PHACTR2: variants seen among roughly 807,000 people sequenced by gnomAD.
The protein encoded by PHACTR2 is chromosome 6 open reading frame 56.
PHACTR2 carries 30 observed loss-of-function variants against 76.0 expected under a neutral mutation model. That is an observed-to-expected ratio of 0.39 (90% CI 0.30 to 0.54). The LOEUF is 0.54. Ranked by LOEUF, PHACTR2 falls within the 20% of genes least tolerant of loss-of-function variation. PHACTR2 has a pLI of 0.61. For synonymous variants in PHACTR2, 292 were observed against 292.5 expected (o/e 1.00, Z 0.02); for missense variants, 696 against 781.1 (o/e 0.89, Z 1.30).
At chr6:143,566,958 T>A (rs13197332) in intron 1 of PHACTR2, among the ~76,000 whole-genome samples, 91,664 of 151,816 alleles carry the variant, frequency 0.6, 28,047 homozygotes, top group Middle Eastern at 0.72. Flanking sequence ...CAGGATCCGA[T>A]TAAGTTTGAC....
In PHACTR2 at chr6:143,722,415, A is replaced by T. The variant is rs934800543; in HGVS notation, c.214+10232A>T. 6.6e-6 allele frequency among the ~76,000 whole-genome samples: 1 copy of T among 150,734 alleles called. No homozygotes were observed. Among genetic ancestry groups the T allele is most frequent in the Non-Finnish European group, 1.5e-5 (1 of 67,676 alleles). ...CTTCTCTCTTGAATTCAACTTTAAGATTCTCTTCAATAGGCCAATTTGGTG... is the reference window on the plus strand; with the variant it reads ...CTTCTCTCTTGAATTCAACTTTAAGTTTCTCTTCAATAGGCCAATTTGGTG... On this transcript the variant is annotated intron_variant, in intron 2 of 12. Transcript: ENST00000440869. The surrounding 1 kb of genome is among the most constrained non-coding windows in gnomAD (Gnocchi z 4.1).
chr6:143,550,332 G>A lies in PHACTR2; in HGVS notation c.217+13125G>A, dbSNP rs1775079459. Among the ~76,000 whole-genome samples the A allele has an allele frequency of 6.6e-6, 1 of 152,004 alleles. No homozygotes were observed. Among genetic ancestry groups the A allele is most frequent in the Non-Finnish European group, 1.5e-5 (1 of 67,962 alleles). ...ACTTCAAGGGAAGCAAGTCTGTATG[G>A]AGAGCTTTTAATGGGCCTGTCAACT... On this transcript the variant is annotated intron_variant, in intron 1 of 11. Coordinates refer to the PHACTR2 transcript ENST00000367584. The surrounding 1 kb of genome is among the most constrained non-coding windows in gnomAD (Gnocchi z 4.8).
chr6:143,640,541 A>C (rs1776546947), intron 1 of PHACTR2, among the ~76,000 whole-genome samples: 1 of 152,244 alleles, frequency 6.6e-6, no homozygotes. Flanking sequence ...AGCAGACCTC[A>C]CAGAACCAGT....
intron 6 of PHACTR2, among the ~76,000 whole-genome samples, chr6:143,766,726 T>G (rs1779570811): frequency 6.6e-6 from 1 of 152,222 alleles, no homozygotes; most frequent in East Asian, 1.9e-4. Flanking sequence ...GCTGGAAACC[T>G]GGGGTTCATC....
At chr6:143,711,076 T>C (rs754317435) in intron 1 of PHACTR2, 2 of 516,826 alleles carry the variant, frequency 3.9e-6, no homozygotes, top group South Asian at 1.4e-5. Context: ...AAATTGTAAA[T>C]ACCATTTGAT....
chr6:143,572,687 G>A (rs902956634), intron 1 of PHACTR2, among the ~76,000 whole-genome samples: 1 of 152,108 alleles, frequency 6.6e-6, no homozygotes, highest in Non-Finnish European at 1.5e-5. Context: ...TAAGTAGCTG[G>A]GATTACAGGC....
Position 143,550,308 on chromosome 6 carries a change from C to G in PHACTR2, c.217+13101C>G, listed in dbSNP as rs1250901211. Among the ~76,000 whole-genome samples the G allele has an allele frequency of 2.0e-5, 3 of 152,002 alleles. No individual in the cohort carries two copies. Among genetic ancestry groups the G allele is most frequent in the Non-Finnish European group, 4.4e-5 (3 of 67,950 alleles). The stretch of plus-strand genomic sequence containing the variant: ...TGACGCTGCTGGTCCTCGGACCACA[C>G]TTCAAGGGAAGCAAGTCTGTATGGA... On this transcript the variant is annotated intron_variant, in intron 1 of 11. Transcript: ENST00000367584. This position sits in a 1 kb window ranked among gnomAD's most constrained non-coding sequence, Gnocchi z 4.8.
rs926850807 is a variant in PHACTR2 at position 143,698,211 on chromosome 6, C to A, written c.47-13805C>A. ...CTTTCTGTGTGTGTTTTATCCAAAT[C>A]CTGCTGGAGCAACTCATTCTCTGGA... is the stretch of plus-strand genomic sequence containing the variant. On this transcript the variant is annotated intron_variant, in intron 1 of 12. Transcript: ENST00000440869. The surrounding 1 kb of genome is among the most constrained non-coding windows in gnomAD (Gnocchi z 4.3). 1.3e-5 allele frequency among the ~76,000 whole-genome samples: 2 copies of A among 152,172 alleles called. No individual in the cohort carries two copies. Among genetic ancestry groups the A allele is most frequent in the Non-Finnish European group, 2.9e-5 (2 of 68,024 alleles).
In PHACTR2 at chr6:143,791,439, A is replaced by T. The variant is rs1338977113; in HGVS notation, c.1845+2529A>T. ...CACCTATAGATCTTTAAGAATGTGG[A>T]TGTCTGGGTCCCATCTCCAGAGATG... is the stretch of plus-strand genomic sequence containing the variant. On this transcript the variant is annotated intron_variant, in intron 11 of 12. Coordinates refer to ENST00000440869, the MANE Select transcript of PHACTR2 (RefSeq NM_001100164.2). This position sits in a 1 kb window ranked among gnomAD's most constrained non-coding sequence, Gnocchi z 4.7. 1.3e-5 allele frequency among the ~76,000 whole-genome samples: 2 copies of T among 152,190 alleles called. No homozygotes were observed. Among genetic ancestry groups the T allele is most frequent in the Non-Finnish European group, 2.9e-5 (2 of 68,034 alleles).
At chr6:143,758,344 G>C (rs1379822632) in intron 4 of PHACTR2, among the ~76,000 whole-genome samples, 1 of 152,164 alleles carries the variant, frequency 6.6e-6, no homozygotes, top group East Asian at 1.9e-4. Context: ...TTTCACTATG[G>C]ATGACACTAT....
chr6:143,670,635 C>T (rs1048239774), intron 1 of PHACTR2, among the ~76,000 whole-genome samples: 3 of 151,954 alleles, frequency 2.0e-5, no homozygotes, highest in East Asian at 1.9e-4. Context: ...CTGATCAATT[C>T]GACTATTGAT....
At position 143,678,027 on chromosome 6, in the gene PHACTR2, TAGA is replaced by T; in HGVS notation, c.-134_-132del. On this transcript the variant is annotated 5_prime_UTR_variant, in exon 1 of 13. Transcript: ENST00000440869. This position sits in a 1 kb window ranked among gnomAD's most constrained non-coding sequence, Gnocchi z 6.2. The stretch of plus-strand genomic sequence containing the variant: ...GCCGGGCTGGGAGACCCGCGCGGGG[TAGA>T]AGGTGAGGGGACCCGGCGGGCCGCT... 6.8e-7 allele frequency: 1 copy of T among 1,471,186 alleles called. No individual in the cohort carries two copies. Among genetic ancestry groups the T allele is most frequent in the Non-Finnish European group, 9.1e-7 (1 of 1,104,132 alleles). 91.1% of individuals were successfully genotyped at this position (1,471,186 alleles called of 1,614,324 possible).
At chr6:143,723,300 A>T (rs1049175175) in intron 2 of PHACTR2, among the ~76,000 whole-genome samples, 2 of 152,194 alleles carry the variant, frequency 1.3e-5, no homozygotes, top group Admixed American at 6.5e-5. Context: ...ACTTCTGACT[A>T]GCTAGACCAT....
intron 2 of PHACTR2, among the ~76,000 whole-genome samples, chr6:143,716,600 A>T (rs920065430): frequency 6.6e-6 from 1 of 152,160 alleles, no homozygotes. Context: ...CAGCTTACTG[A>T]AGTGCTGAGA....
Position 143,654,196 on chromosome 6 carries a change from G to A in PHACTR2, c.13+45874G>A, listed in dbSNP as rs6937007. Among the ~76,000 whole-genome samples the A allele has an allele frequency of 0.015, 2,347 of 152,234 alleles. 42 individuals are homozygous for A. The highest frequency in any genetic ancestry group is 0.053 in the African/African-American group (2,208 of 41,544). ...CCATGGGAATGTCTATAATCAGAAA[G>A]ACAGGTAATAACAAGTGTTTGCAAG... On this transcript the variant is annotated intron_variant, in intron 1 of 11. Coordinates refer to the PHACTR2 transcript ENST00000305766. The surrounding 1 kb of genome is among the most constrained non-coding windows in gnomAD (Gnocchi z 4.6).
chr6:143,819,990 G>A lies in PHACTR2; in HGVS notation c.1923-3684G>A, dbSNP rs1407398257. 6.6e-6 allele frequency among the ~76,000 whole-genome samples: 1 copy of A among 152,176 alleles called. No homozygotes were observed. Among genetic ancestry groups the A allele is most frequent in the African/African-American group, 2.4e-5 (1 of 41,440 alleles). Reference sequence around the variant, plus strand: ...AAAGCCTCCAATCACGGCAGAAAGCGAAGGGGGAGCAGGCACATCACATGG... The same window carrying A: ...AAAGCCTCCAATCACGGCAGAAAGCAAAGGGGGAGCAGGCACATCACATGG... On this transcript the variant is annotated intron_variant, in intron 12 of 12. Transcript: ENST00000440869. The surrounding 1 kb of genome is among the most constrained non-coding windows in gnomAD (Gnocchi z 5.0).
chr6:143,758,955 A>G (rs961353445), intron 4 of PHACTR2, among the ~76,000 whole-genome samples: 1 of 152,256 alleles, frequency 6.6e-6, no homozygotes, highest in East Asian at 1.9e-4. Flanking sequence ...TTCCAATATT[A>G]AAACCCTTTC....
chr6:143,565,996 G>C (rs757892726), intron 1 of PHACTR2, among the ~76,000 whole-genome samples: 30 of 152,164 alleles, frequency 2.0e-4, no homozygotes, highest in Admixed American at 3.9e-4. Context: ...GGAGGCTTGT[G>C]GGGGGTTATC....
At position 143,596,371 on chromosome 6, in the gene PHACTR2, C is replaced by T. The variant is rs1001703914; in HGVS notation, c.217+59164C>T. ...CTTGGTGGTGATCTTGTTATTGAGG[C>T]TCACATTTACCTGAACTGCATTAAG... On this transcript the variant is annotated intron_variant, in intron 1 of 11. Coordinates refer to the PHACTR2 transcript ENST00000367584. This position sits in a 1 kb window ranked among gnomAD's most constrained non-coding sequence, Gnocchi z 4.6. Among the ~76,000 whole-genome samples, 2 of 152,018 alleles carry T rather than the reference C, an allele frequency of 1.3e-5. No homozygotes were observed. Among genetic ancestry groups the T allele is most frequent in the African/African-American group, 4.8e-5 (2 of 41,366 alleles).
Sources: allele counts gnomAD v4.1 joint callset (sites outside exome capture counted in the v4.1 genomes callset), GRCh38; gene constraint gnomAD v4.1.1; non-coding constraint Gnocchi (gnomAD v3.1); transcripts MANE v1.5; gene names NCBI Gene and HGNC (gene_info 2026-07-23, HGNC 2026-07-21).